The following ZNF385D variants were observed in gnomAD, a reference collection of about 807,000 sequenced individuals.
The protein encoded by ZNF385D is zinc finger protein 659.
Under a neutral mutation model 35.8 loss-of-function variants are expected in ZNF385D, and 15 were observed. That is an observed-to-expected ratio of 0.42 (90% CI 0.28 to 0.64). The LOEUF is 0.64. ZNF385D is among the 30% of genes least tolerant of loss of function. The pLI is 0.23. For missense variants in ZNF385D, 474 were observed against 494.6 expected (o/e 0.96, Z 0.39); for synonymous variants, 212 against 186.8 (o/e 1.13, Z -1.10).
intron 4 of ZNF385D, among the ~76,000 whole-genome samples, chr3:21,480,733 A>G (rs193132856): frequency 6.6e-6 from 1 of 152,308 alleles, no homozygotes; most frequent in Admixed American, 6.5e-5. Flanking sequence ...CAGTCCATGA[A>G]TATGCTCATC....
At chr3:21,905,205 C>CAAAAAAAAAAAAAAAAAAA (rs63147760) in intron 3 of ZNF385D, among the ~76,000 whole-genome samples, 4 of 69,722 alleles carry the variant, frequency 5.7e-5, no homozygotes, top group Admixed American at 1.7e-4. Flanking sequence ...ACAAAAAATC[C>CAAAAAAAAAAAAAAAAAAA]AAAAAAAAAA....
chr3:21,664,562 TTCTC>T (rs757211602), intron 2 of ZNF385D, among the ~76,000 whole-genome samples: 10 of 152,222 alleles, frequency 6.6e-5, no homozygotes, highest in Non-Finnish European at 1.5e-4. Context: ...AATTCTAATG[TTCTC>T]TCTAATAAAT....
chr3:21,702,852 C>T (rs1254798315), intron 1 of ZNF385D, among the ~76,000 whole-genome samples: 1 of 152,206 alleles, frequency 6.6e-6, no homozygotes, highest in African/African-American at 2.4e-5. Context: ...ATGAGTTCCT[C>T]ATCTCCATCT....
At chr3:22,089,472 C>G (rs993797931) in intron 3 of ZNF385D, among the ~76,000 whole-genome samples, 1 of 152,160 alleles carries the variant, frequency 6.6e-6, no homozygotes. Flanking sequence ...CAGGCTCCTG[C>G]GGTACACGCA....
At chr3:21,457,916 C>A (rs920429775) in intron 4 of ZNF385D, among the ~76,000 whole-genome samples, 2 of 151,970 alleles carry the variant, frequency 1.3e-5, no homozygotes, top group East Asian at 3.9e-4. Flanking sequence ...GAAAGCTGTG[C>A]CAGGAATTAT....
intron 1 of ZNF385D, among the ~76,000 whole-genome samples, chr3:21,692,728 G>A (rs1442795179): frequency 6.6e-6 from 1 of 152,160 alleles, no homozygotes; most frequent in Non-Finnish European, 1.5e-5. Flanking sequence ...TCCTTAGAAG[G>A]TATTCTTTTG....
intron 4 of ZNF385D, among the ~76,000 whole-genome samples, chr3:21,472,803 T>A (rs1009698401): frequency 1.1e-4 from 16 of 152,074 alleles, no homozygotes; most frequent in Non-Finnish European, 1.9e-4. Flanking sequence ...TCGAGTTGTT[T>A]CTGTATGCAA....
At chr3:21,679,776 C>T (rs2066842643) in intron 1 of ZNF385D, among the ~76,000 whole-genome samples, 2 of 152,106 alleles carry the variant, frequency 1.3e-5, no homozygotes, top group African/African-American at 4.8e-5. Flanking sequence ...TATATCCAAG[C>T]GACTTACTTG....
chr3:22,128,115 G>C (rs1221979538), intron 3 of ZNF385D, among the ~76,000 whole-genome samples: 3 of 152,096 alleles, frequency 2.0e-5, no homozygotes, highest in Non-Finnish European at 4.4e-5. Flanking sequence ...GAAGCTCTTT[G>C]TATCTCCTTA....
chr3:22,030,993 T>C (rs1379236972), intron 3 of ZNF385D, among the ~76,000 whole-genome samples: 1 of 152,214 alleles, frequency 6.6e-6, no homozygotes, highest in Non-Finnish European at 1.5e-5. Flanking sequence ...TGGGCAGTCA[T>C]TAAACCTTAA....
intron 2 of ZNF385D, among the ~76,000 whole-genome samples, chr3:22,183,979 CTA>C (rs1249407894): frequency 3.3e-5 from 5 of 151,746 alleles, no homozygotes; most frequent in East Asian, 2.0e-4. Context: ...GGGTACAAAA[CTA>C]TGAGTTTCAC....
chr3:22,231,367 A>G (rs924512894), intron 2 of ZNF385D, among the ~76,000 whole-genome samples: 2 of 152,098 alleles, frequency 1.3e-5, no homozygotes, highest in Non-Finnish European at 2.9e-5. Flanking sequence ...AGAGAGAGAA[A>G]AAAAAAAGTT....
chr3:22,345,281 G>T (rs1003581327), intron 2 of ZNF385D, among the ~76,000 whole-genome samples: 2 of 152,006 alleles, frequency 1.3e-5, no homozygotes, highest in Non-Finnish European at 2.9e-5. Context: ...AGAGCAAAAG[G>T]TTTCCAACTC....
intron 3 of ZNF385D, among the ~76,000 whole-genome samples, chr3:22,016,316 C>G (rs1474997874): frequency 6.6e-6 from 1 of 152,070 alleles, no homozygotes; most frequent in African/African-American, 2.4e-5. Flanking sequence ...CTACCCTCAG[C>G]AAAGATTTAC....
intron 2 of ZNF385D, among the ~76,000 whole-genome samples, chr3:22,254,995 A>G (rs1700241149): frequency 6.6e-6 from 1 of 151,884 alleles, no homozygotes; most frequent in African/African-American, 2.4e-5. Context: ...AGGATGGCAC[A>G]CGATTTCATC....
chr3:21,855,014 A>G (rs1387020929), intron 3 of ZNF385D, among the ~76,000 whole-genome samples: 1 of 151,930 alleles, frequency 6.6e-6, no homozygotes, highest in Non-Finnish European at 1.5e-5. Flanking sequence ...CATCTATACA[A>G]CATGATTTTT....
At chr3:22,006,090 G>A (rs915365382) in intron 3 of ZNF385D, among the ~76,000 whole-genome samples, 4 of 151,934 alleles carry the variant, frequency 2.6e-5, no homozygotes, top group Admixed American at 1.3e-4. Context: ...GTCACCTCCT[G>A]GTTCTAATTT....
At chr3:22,078,835 T>C (rs561612251) in intron 3 of ZNF385D, among the ~76,000 whole-genome samples, 2 of 152,094 alleles carry the variant, frequency 1.3e-5, no homozygotes, top group Non-Finnish European at 2.9e-5. Flanking sequence ...TAAGCAAAGA[T>C]AAGTTCTATA....
chr3:22,283,014 C>G lies in ZNF385D; in HGVS notation c.106+89436G>C, dbSNP rs560350180. The stretch of plus-strand genomic sequence containing the variant: ...AAAGATATTCCATGCAAATGGACAC[C>G]AAAAGTGAGCAGGAGTAACTATTTT... On this transcript the variant is annotated intron_variant, in intron 2 of 5. Coordinates refer to the ZNF385D transcript ENST00000494108. Among the ~76,000 whole-genome samples the G allele has an allele frequency of 7.9e-5, 12 of 151,730 alleles. No individual in the cohort carries two copies. In the East Asian group the frequency reaches 2.1e-3, roughly 27 times the overall value.
Sources: allele counts gnomAD v4.1 joint callset (sites outside exome capture counted in the v4.1 genomes callset), GRCh38; gene constraint gnomAD v4.1.1; transcripts MANE v1.5; gene names NCBI Gene and HGNC (gene_info 2026-07-23, HGNC 2026-07-21).